The following SPATS2L variants were observed in gnomAD, a reference collection of about 807,000 sequenced individuals.
The protein encoded by SPATS2L is SPATS2-like protein.
A neutral mutation model predicts 59.6 loss-of-function variants in SPATS2L; 30 were observed. The observed-to-expected ratio is 0.50, with a 90% CI of 0.38 to 0.68. SPATS2L has a LOEUF of 0.68. Ranked by LOEUF, SPATS2L falls within the 30% of genes least tolerant of loss-of-function variation. The pLI is 0.00. For missense variants in SPATS2L, 615 were observed against 700.0 expected (o/e 0.88, Z 1.37); for synonymous variants, 252 against 263.5 (o/e 0.96, Z 0.42).
In SPATS2L at chr2:200,418,227, G is replaced by T. The variant is rs546280288; in HGVS notation, c.199-1023G>T. On this transcript the variant is annotated intron_variant, in intron 5 of 12. Coordinates refer to ENST00000409140, the MANE Select transcript of SPATS2L (RefSeq NM_001100423.2). ...AGGGGCTTTCTCACCGGAAAAGGGG[G>T]ACTTATATCACTTTGGCATTACCTT... is the stretch of plus-strand genomic sequence containing the variant. Among the ~76,000 whole-genome samples the T allele has an allele frequency of 8.5e-5, 13 of 152,186 alleles. No homozygotes were observed. In the South Asian group the frequency reaches 2.7e-3, roughly 32 times the overall value.
chr2:200,352,299 A>G (rs1404800101), intron 2 of SPATS2L, among the ~76,000 whole-genome samples: 1 of 125,848 alleles, frequency 7.9e-6, no homozygotes, highest in Non-Finnish European at 1.6e-5. Flanking sequence ...TTGAGGCTAT[A>G]TAACCAGCAG....
At chr2:200,340,151 G>T (rs571037971) in intron 2 of SPATS2L, among the ~76,000 whole-genome samples, 2 of 152,246 alleles carry the variant, frequency 1.3e-5, no homozygotes, top group African/African-American at 4.8e-5. Flanking sequence ...ACTAGAAAAG[G>T]GCTGAGCAAT....
intron 6 of SPATS2L, among the ~76,000 whole-genome samples, chr2:200,420,351 T>G (rs994510075): frequency 8.0e-5 from 12 of 150,182 alleles, no homozygotes; most frequent in African/African-American, 3.0e-4. Context: ...AATAAAAATA[T>G]AAGACATTCA....
At position 200,477,709 on chromosome 2, in the gene SPATS2L, C is replaced by G; in HGVS notation, c.1355C>G (p.Ser452Trp). 1 of 1,564,796 alleles carries G rather than the reference C, an allele frequency of 6.4e-7. No individual in the cohort carries two copies. Among genetic ancestry groups the G allele is most frequent in the Non-Finnish European group, 8.7e-7 (1 of 1,154,466 alleles). Residue 452 changes from serine to tryptophan, a missense_variant, in exon 13 of 13, where the codon TCG becomes TGG. By Grantham distance (177) the Ser-to-Trp change is radical. Coordinates refer to ENST00000409140, the MANE Select transcript of SPATS2L (RefSeq NM_001100423.2). ...HNNRLNGPAK[S>W]QGSGNEAEPL... Reference sequence around the variant, plus strand: ...AACAGGCTAAATGGGCCTGCCAAGTCGCAGGGCAGTGGGAATGAAGCCGAG... The same window carrying G: ...AACAGGCTAAATGGGCCTGCCAAGTGGCAGGGCAGTGGGAATGAAGCCGAG...
intron 9 of SPATS2L, among the ~76,000 whole-genome samples, chr2:200,466,300 CTTTTTT>C (rs879630239): frequency 0.01 from 1,550 of 152,206 alleles, 58 homozygotes; most frequent in Admixed American, 0.076. Context: ...AGATGAATAC[CTTTTTT>C]CTTACACCTC....
chr2:200,410,774 A>G (rs1372171241), intron 3 of SPATS2L, among the ~76,000 whole-genome samples: 3 of 152,202 alleles, frequency 2.0e-5, no homozygotes, highest in Non-Finnish European at 4.4e-5. Context: ...TATTTGTGCA[A>G]TCATTTGGTC....
Position 200,419,244 on chromosome 2 carries a change from T to A in SPATS2L, c.199-6T>A. ...ATATTATGTTCTCATTTGTTTCTCA[T>A]TCTAGAACAATAAAAGAAAAAGAAG... is the stretch of plus-strand genomic sequence containing the variant. On this transcript the variant is annotated splice_polypyrimidine_tract_variant and splice_region_variant and intron_variant, in intron 5 of 12. Coordinates refer to ENST00000409140, the MANE Select transcript of SPATS2L (RefSeq NM_001100423.2). 2 of 1,562,546 alleles carry A rather than the reference T, an allele frequency of 1.3e-6. No homozygotes were observed. The highest frequency in any genetic ancestry group is 1.7e-6 in the Non-Finnish European group (2 of 1,153,146).
At chr2:200,336,283 C>T (rs748413185) in intron 2 of SPATS2L, among the ~76,000 whole-genome samples, 5 of 152,156 alleles carry the variant, frequency 3.3e-5, no homozygotes, top group Non-Finnish European at 7.3e-5. Context: ...TAATCATGAA[C>T]TTCGTCCTGT....
chr2:200,368,885 A>G (rs924136195), intron 2 of SPATS2L, among the ~76,000 whole-genome samples: 2 of 152,218 alleles, frequency 1.3e-5, no homozygotes, highest in African/African-American at 4.8e-5. Context: ...TAAGTTTTAC[A>G]TATACATATA....
chr2:200,399,031 G>A (rs1193340502), intron 3 of SPATS2L, among the ~76,000 whole-genome samples: 2 of 152,026 alleles, frequency 1.3e-5, no homozygotes, highest in Non-Finnish European at 1.5e-5. Flanking sequence ...TGATGATTTA[G>A]GATCAATTAT....
At chr2:200,340,285 T>G (rs1246809343) in intron 2 of SPATS2L, among the ~76,000 whole-genome samples, 3 of 152,146 alleles carry the variant, frequency 2.0e-5, no homozygotes, top group African/African-American at 7.2e-5. Flanking sequence ...CTGGTATGTG[T>G]TTTGTAGTTA....
intron 8 of SPATS2L, among the ~76,000 whole-genome samples, chr2:200,459,005 T>C (rs1392316348): frequency 6.6e-6 from 1 of 152,172 alleles, no homozygotes; most frequent in Non-Finnish European, 1.5e-5. Context: ...CTCTCTTCAC[T>C]CCTTCCTACA....
At chr2:200,454,981 C>T (rs1326624418) in intron 8 of SPATS2L, among the ~76,000 whole-genome samples, 22 of 152,332 alleles carry the variant, frequency 1.4e-4, no homozygotes, top group Non-Finnish European at 2.9e-5. Flanking sequence ...AATTAAACCA[C>T]CATAGTTTGC....
intron 11 of SPATS2L, among the ~76,000 whole-genome samples, chr2:200,472,527 T>G (rs1487815109): frequency 2.0e-5 from 3 of 152,184 alleles, no homozygotes; most frequent in Non-Finnish European, 4.4e-5. Flanking sequence ...TTATCTCTTT[T>G]CCCTTGGTGG....
At chr2:200,343,027 T>A (rs1205161311) in intron 2 of SPATS2L, among the ~76,000 whole-genome samples, 1 of 152,254 alleles carries the variant, frequency 6.6e-6, no homozygotes, top group Middle Eastern at 3.2e-3. Context: ...AAGGTACTTG[T>A]TGATTTTGCC....
At position 200,467,278 on chromosome 2, in the gene SPATS2L, CT is replaced by C; in HGVS notation, c.848-10del. 1.3e-6 allele frequency: 2 copies of C among 1,589,086 alleles called. No homozygotes were observed. The highest frequency in any genetic ancestry group is 1.7e-6 in the Non-Finnish European group (2 of 1,157,342). ...CTCTGGCCCTAATGTATGACTCCTCCTTATTTGGCAGTGGAAATCCTGACTG... is the reference window on the plus strand; with the variant it reads ...CTCTGGCCCTAATGTATGACTCCTCCTATTTGGCAGTGGAAATCCTGACTG... On this transcript the variant is annotated splice_polypyrimidine_tract_variant and intron_variant, in intron 9 of 12. Transcript: ENST00000409140.
chr2:200,460,264 CAT>C (rs1415918286), intron 9 of SPATS2L, among the ~76,000 whole-genome samples: 6 of 152,068 alleles, frequency 3.9e-5, no homozygotes, highest in Non-Finnish European at 7.4e-5. Flanking sequence ...TTAAGTTTAT[CAT>C]ATTAAATTTT....
At chr2:200,423,308 G>A (rs934965362) in intron 6 of SPATS2L, among the ~76,000 whole-genome samples, 4 of 152,308 alleles carry the variant, frequency 2.6e-5, no homozygotes, top group African/African-American at 9.6e-5. Flanking sequence ...GCTTTAAAAT[G>A]CTTGCTCAAT....
chr2:200,387,092 A>T lies in SPATS2L; in HGVS notation c.-22-2131A>T, dbSNP rs534198894. Among the ~76,000 whole-genome samples, 286 of 152,344 alleles carry T rather than the reference A, an allele frequency of 1.9e-3. 1 individual carries two copies. Among genetic ancestry groups the T allele is most frequent in the African/African-American group, 6.6e-3 (273 of 41,570 alleles). On this transcript the variant is annotated intron_variant, in intron 2 of 12. Coordinates refer to ENST00000409140, the MANE Select transcript of SPATS2L (RefSeq NM_001100423.2). ...ACACATCATTCATGTTCACTATTAG[A>T]AATAATCAGAAAAGAATCCTCTTCT...
Sources: gnomAD v4.1 joint callset for allele counts (sites outside exome capture counted in the v4.1 genomes callset) on GRCh38, gnomAD v4.1.1 for gene constraint, MANE v1.5 for transcripts, NCBI Gene and HGNC (gene_info 2026-07-23, HGNC 2026-07-21) for gene names.